FILIP1L: variants seen among roughly 807,000 people sequenced by gnomAD.
FILIP1L encodes filamin A interacting protein 1 like, also known as filamin A-interacting protein 1-like.
FILIP1L carries 55 observed loss-of-function variants against 96.6 expected under a neutral mutation model. The observed-to-expected ratio is 0.57, with a 90% CI of 0.46 to 0.71. The LOEUF is 0.71. Ranked by LOEUF, FILIP1L falls within the 30% of genes least tolerant of loss-of-function variation. FILIP1L has a pLI of 0.00. For synonymous variants in FILIP1L, 467 were observed against 473.9 expected, an observed-to-expected ratio of 0.99 and a Z score of 0.19; for missense variants, 1,304 against 1,321.2, an observed-to-expected ratio of 0.99 and a Z score of 0.20.
intron 4 of FILIP1L, among the ~76,000 whole-genome samples, chr3:99,897,240 T>A (rs1278140414): frequency 6.6e-6 from 1 of 152,012 alleles, no homozygotes; most frequent in Non-Finnish European, 1.5e-5. Flanking sequence ...ACACCTGTAA[T>A]CCCAGCTACT....
intron 1 of FILIP1L, among the ~76,000 whole-genome samples, chr3:99,936,959 C>T (rs571153396): frequency 2.0e-5 from 3 of 151,990 alleles, no homozygotes; most frequent in South Asian, 2.1e-4. Context: ...TTTTTTGAGA[C>T]GGAGTTTTGC....
At chr3:99,932,988 C>T (rs1019873755) in intron 1 of FILIP1L, among the ~76,000 whole-genome samples, 1 of 152,148 alleles carries the variant, frequency 6.6e-6, no homozygotes, top group African/African-American at 2.4e-5. Context: ...CAGCATTTTC[C>T]ATGTATTAGC....
chr3:99,872,973 A>T (rs1350274059), intron 4 of FILIP1L, among the ~76,000 whole-genome samples: 2 of 152,010 alleles, frequency 1.3e-5, no homozygotes, highest in Admixed American at 6.6e-5. Flanking sequence ...TGTTGGTGAT[A>T]ATCTGCTAGG....
intron 4 of FILIP1L, among the ~76,000 whole-genome samples, chr3:99,903,643 C>T (rs1169902141): frequency 6.6e-6 from 1 of 151,986 alleles, no homozygotes; most frequent in Admixed American, 6.6e-5. Flanking sequence ...TGGATGATTC[C>T]AAAAATTGGC....
chr3:99,876,610 G>C (rs1400541569), intron 4 of FILIP1L, among the ~76,000 whole-genome samples: 1 of 152,126 alleles, frequency 6.6e-6, no homozygotes, highest in Non-Finnish European at 1.5e-5. Context: ...GGAGAAGTCT[G>C]GGGTTTTGTG....
intron 1 of FILIP1L, among the ~76,000 whole-genome samples, chr3:99,983,464 GTATATATATATATATATATATATA>G (rs1191587665): frequency 0.01 from 129 of 12,678 alleles, 3 homozygotes; most frequent in African/African-American, 0.025. Context: ...ATATATGTGT[GTATATATATATATATATATATATA>G]TATATATATA....
chr3:99,830,379 T>A lies in FILIP1L; in HGVS notation c.*35A>T. 2.6e-6 allele frequency: 1 copy of A among 379,520 alleles called. No individual in the cohort carries two copies. Among genetic ancestry groups the A allele is most frequent in the South Asian group, 1.9e-5 (1 of 51,636 alleles). The allele number at this position is 379,520 out of a possible 1,614,324, so 23.5% of individuals were successfully genotyped here. On this transcript the variant is annotated 3_prime_UTR_variant, in exon 6 of 6. Transcript: ENST00000477258. ...AATTTTAGCTTTCCACATATTTCTG[T>A]AGATGAATGTATCCAGGCAGTGCAT...
rs116080879 is a variant in FILIP1L at position 100,047,281 on chromosome 3, A to G, written c.-11+66772T>C. Among the ~76,000 whole-genome samples, 431 of 152,330 alleles carry G rather than the reference A, an allele frequency of 2.8e-3. 1 individual carries two copies. Among genetic ancestry groups the G allele is most frequent in the African/African-American group, 9.2e-3 (381 of 41,582 alleles). On this transcript the variant is annotated intron_variant, in intron 1 of 5. Transcript: ENST00000477258. ...TATATCTTTAAACATTTTTAGAAGA[A>G]AAAAAGGTTTTGAATTCCTTGAAGA...
chr3:99,947,742 G>GA (rs1448465235), intron 1 of FILIP1L, among the ~76,000 whole-genome samples: 1 of 152,122 alleles, frequency 6.6e-6, no homozygotes, highest in Non-Finnish European at 1.5e-5. Flanking sequence ...AAGGTAAAAA[G>GA]AAAAATAGAA....
At chr3:99,840,221 C>CTT (rs10935982) in intron 5 of FILIP1L, among the ~76,000 whole-genome samples, 3,582 of 102,026 alleles carry the variant, frequency 0.035, 219 homozygotes, top group African/African-American at 0.048. Context: ...TTCGTAGAAT[C>CTT]TTTTTTTTTT....
chr3:99,875,945 T>C (rs1705490183), intron 4 of FILIP1L: 2 of 566,752 alleles, frequency 3.5e-6, no homozygotes, highest in South Asian at 1.5e-4. Context: ...ATTCATTGGA[T>C]GCGCTTTGCG....
At chr3:100,078,846 A>G (rs1167618528) in intron 1 of FILIP1L, among the ~76,000 whole-genome samples, 1 of 152,148 alleles carries the variant, frequency 6.6e-6, no homozygotes, top group African/African-American at 2.4e-5. Flanking sequence ...AGCCAAGATC[A>G]CACCACTGCA....
At position 99,849,126 on chromosome 3, in the gene FILIP1L, G is replaced by T. The variant is rs747674072; in HGVS notation, c.2550C>A (p.Ser850Arg). 1.9e-6 allele frequency: 3 copies of T among 1,614,118 alleles called. No homozygotes were observed. The highest frequency in any genetic ancestry group is 1.7e-5 in the Admixed American group (1 of 60,014). The change falls in exon 5 of 6, where the codon AGC becomes AGA. Residue 850 changes from serine (S) to arginine (R), a missense_variant. Ser to Arg is a moderately radical substitution (Grantham distance 110). Transcript: ENST00000477258. ...DEGSVLSFKC[S>R]QSTPCPVNRK... ...TGTTAACAGGACATGGAGTAGACTG[G>T]CTGCATTTGAAGGACAGCACAGATC...
intron 4 of FILIP1L, among the ~76,000 whole-genome samples, chr3:99,856,326 C>T (rs749895831): frequency 5.3e-5 from 8 of 152,200 alleles, no homozygotes; most frequent in Non-Finnish European, 7.3e-5. Context: ...TGGACGTAGA[C>T]GTTGATCCCT....
chr3:99,984,518 C>T (rs1052251854), intron 1 of FILIP1L, among the ~76,000 whole-genome samples: 2 of 152,152 alleles, frequency 1.3e-5, no homozygotes, highest in Non-Finnish European at 2.9e-5. Context: ...CTGATGTGGT[C>T]AGTGGTCCTC....
At position 100,005,969 on chromosome 3, in the gene FILIP1L, A is replaced by G. The variant is rs1414430391; in HGVS notation, c.-10-74939T>C. Among the ~76,000 whole-genome samples the G allele has an allele frequency of 2.0e-5, 3 of 152,126 alleles. No homozygotes were observed. In the East Asian group the frequency reaches 5.8e-4, roughly 29 times the overall value. The stretch of plus-strand genomic sequence containing the variant: ...CTCCGCTATTGCTTTTTCAATCCAC[A>G]CATGCCAGAACCAGAATGGAGAATG... On this transcript the variant is annotated intron_variant, in intron 1 of 5. Transcript: ENST00000477258.
chr3:100,045,856 A>T (rs962737643), intron 1 of FILIP1L, among the ~76,000 whole-genome samples: 8 of 152,112 alleles, frequency 5.3e-5, no homozygotes, highest in Non-Finnish European at 1.0e-4. Flanking sequence ...TAATGATCCC[A>T]CTTGGTGGAG....
rs1559654828 is a variant in FILIP1L at position 99,848,286 on chromosome 3, A to T, written c.3381+9T>A. 2.5e-6 allele frequency: 4 copies of T among 1,613,900 alleles called. 1 individual carries two copies. In the South Asian group the frequency reaches 4.4e-5, roughly 18 times the overall value. Reference sequence around the variant, plus strand: ...AGGGTGAGCGTGGTCAGTTATATATATTACTTACTGTAATTTGTGATTGTC... The same window carrying T: ...AGGGTGAGCGTGGTCAGTTATATATTTTACTTACTGTAATTTGTGATTGTC... On this transcript the variant is annotated intron_variant, in intron 5 of 5. Coordinates refer to ENST00000477258, the MANE Select transcript of FILIP1L (RefSeq NM_001387850.1).
At chr3:99,935,265 C>CAA (rs34961153) in intron 1 of FILIP1L, among the ~76,000 whole-genome samples, 237 of 143,862 alleles carry the variant, frequency 1.6e-3, no homozygotes, top group South Asian at 3.3e-3. Flanking sequence ...TTCAGGGTAC[C>CAA]AAAAAAAAAA....
Sources: allele counts gnomAD v4.1 joint callset (sites outside exome capture counted in the v4.1 genomes callset), GRCh38; gene constraint gnomAD v4.1.1; transcripts MANE v1.5; gene names NCBI Gene and HGNC (gene_info 2026-07-23, HGNC 2026-07-21).